PITPNM2: variants seen among roughly 807,000 people sequenced by gnomAD.
PITPNM2 encodes membrane-associated phosphatidylinositol transfer protein 2.
A neutral mutation model predicts 132.2 loss-of-function variants in PITPNM2; 35 were observed. The ratio of observed to expected loss-of-function variants is 0.26; its 90% CI spans 0.20 to 0.35. PITPNM2 has a LOEUF of 0.35. Ranked by LOEUF, PITPNM2 falls within the 10% of genes least tolerant of loss-of-function variation. The probability of loss-of-function intolerance (pLI) is 1.00; values close to 1 mark genes in which losing one functional copy is unlikely to be tolerated. For missense variants in PITPNM2, 1,332 were observed against 1,912.0 expected (o/e 0.70, Z 5.66); for synonymous variants, 738 against 799.2 (o/e 0.92, Z 1.29).
Position 122,996,408 on chromosome 12 carries a change from G to A in PITPNM2, c.1782+50C>T, listed in dbSNP as rs774752626. The A allele has an allele frequency of 1.9e-5, 31 of 1,605,800 alleles. No homozygotes were observed. The South Asian group carries it at 2.2e-4, about 11-fold the overall frequency. On this transcript the variant is annotated intron_variant, in intron 13 of 25. Coordinates refer to ENST00000320201, the MANE Select transcript of PITPNM2 (RefSeq NM_020845.3). ...CAGGCAGGGCAGCCACCCTGGGGGC[G>A]TGCAGGAGGCTTCAGGCCTTGGGGA... is the stretch of plus-strand genomic sequence containing the variant.
At position 123,015,434 on chromosome 12, in the gene PITPNM2, C is replaced by T. The variant is rs113283840; in HGVS notation, c.79-1392G>A. Among the ~76,000 whole-genome samples, 540 of 152,230 alleles carry T rather than the reference C, an allele frequency of 3.5e-3. 1 individual carries two copies. The highest frequency in any genetic ancestry group is 6.2e-3 in the Non-Finnish European group (425 of 68,014). On this transcript the variant is annotated intron_variant, in intron 3 of 25. Coordinates refer to ENST00000320201, the MANE Select transcript of PITPNM2 (RefSeq NM_020845.3). ...TTAATTTTTGAGAAGGGTGCCAAGA[C>T]CATCCAATGTGGAAATAATAGTCTT...
chr12:123,125,004 A>G (rs1322017605), intron 1 of PITPNM2, among the ~76,000 whole-genome samples: 2 of 152,158 alleles, frequency 1.3e-5, no homozygotes, highest in African/African-American at 4.8e-5. Context: ...TGTAGTCCAG[A>G]TGGAGTGCAG....
At chr12:123,090,785 T>C (rs1322415673) in intron 2 of PITPNM2, 1 of 152,298 alleles carries the variant, frequency 6.6e-6, no homozygotes, top group African/African-American at 2.4e-5. Context: ...GGTATGACTA[T>C]GGGGATGGGA....
chr12:123,135,701 T>C (rs532185780), intron 1 of PITPNM2, among the ~76,000 whole-genome samples: 25 of 152,268 alleles, frequency 1.6e-4, no homozygotes, highest in African/African-American at 5.5e-4. Flanking sequence ...ATTTCCCTTT[T>C]TGTTTGGTTT....
chr12:123,050,175 G>T (rs769371702), intron 2 of PITPNM2, among the ~76,000 whole-genome samples: 4 of 152,184 alleles, frequency 2.6e-5, no homozygotes, highest in Non-Finnish European at 4.4e-5. Context: ...GGGGGTATCT[G>T]AAGTCATCTC....
intron 14 of PITPNM2, 70 bp downstream of exon 14, chr12:122,995,319 G>A: frequency 6.6e-7 from 1 of 1,516,416 alleles, no homozygotes; most frequent in Non-Finnish European, 8.8e-7. Flanking sequence ...GCCATCACAG[G>A]GGATGTTCCT....
intron 2 of PITPNM2, among the ~76,000 whole-genome samples, chr12:123,094,300 C>T (rs1462628490): frequency 1.3e-5 from 2 of 152,212 alleles, no homozygotes; most frequent in African/African-American, 4.8e-5. Context: ...GCAGGGGATC[C>T]CAGAACACCA....
chr12:123,052,145 T>G (rs141425828), intron 2 of PITPNM2, among the ~76,000 whole-genome samples: 1 of 149,988 alleles, frequency 6.7e-6, no homozygotes, highest in Non-Finnish European at 1.5e-5. Flanking sequence ...CAGGCTGGTC[T>G]TGAACTCCTG....
At chr12:123,010,977 G>C (rs1443907218) in intron 5 of PITPNM2, among the ~76,000 whole-genome samples, 1 of 152,192 alleles carries the variant, frequency 6.6e-6, no homozygotes, top group Non-Finnish European at 1.5e-5. Flanking sequence ...ACCTGGTGAG[G>C]GTGACAAGAA....
chr12:123,042,799 G>T (rs1288030530), intron 2 of PITPNM2, among the ~76,000 whole-genome samples: 1 of 152,108 alleles, frequency 6.6e-6, no homozygotes, highest in Non-Finnish European at 1.5e-5. Flanking sequence ...GCCAGACAAG[G>T]CTCCCCAGGC....
At chr12:123,131,555 G>T (rs184306966) in intron 1 of PITPNM2, among the ~76,000 whole-genome samples, 1 of 152,174 alleles carries the variant, frequency 6.6e-6, no homozygotes, top group Non-Finnish European at 1.5e-5. Context: ...ATATGGTAGT[G>T]CACAAGCCCC....
rs1365959055 is a variant in PITPNM2 at position 123,106,123 on chromosome 12, C to T, written c.-96+4262G>A. On this transcript the variant is annotated intron_variant, in intron 2 of 25. Transcript: ENST00000320201. This position sits in a 1 kb window ranked among gnomAD's most constrained non-coding sequence, Gnocchi z 4.4. ...CCACAGGCCCCCTGCTTCTTCTCTT[C>T]ACCCCAGATAGCCTGCTCTCAACAC... Among the ~76,000 whole-genome samples, 1 of 152,250 alleles carries T rather than the reference C, an allele frequency of 6.6e-6. No homozygotes were observed. The highest frequency in any genetic ancestry group is 2.4e-5 in the African/African-American group (1 of 41,468).
chr12:122,993,017 G>C lies in PITPNM2; in HGVS notation c.2234-348C>G, dbSNP rs2038263340. Among the ~76,000 whole-genome samples the C allele has an allele frequency of 6.6e-6, 1 of 151,994 alleles. No individual in the cohort carries two copies. The highest frequency in any genetic ancestry group is 2.4e-5 in the African/African-American group (1 of 41,356). ...TTTTATTTTATTTTTTGTAGAGATG[G>C]GGTCTTACTATGTTATCCAGGCTGG... On this transcript the variant is annotated intron_variant, in intron 15 of 25. Coordinates refer to ENST00000320201, the MANE Select transcript of PITPNM2 (RefSeq NM_020845.3). This position sits in a 1 kb window ranked among gnomAD's most constrained non-coding sequence, Gnocchi z 5.2.
intron 2 of PITPNM2, among the ~76,000 whole-genome samples, chr12:123,055,263 G>A (rs2040985599): frequency 6.6e-6 from 1 of 152,198 alleles, no homozygotes; most frequent in Non-Finnish European, 1.5e-5. Context: ...GGAGAAAAGG[G>A]CAGATGCAGC....
rs2038632270 is a variant in PITPNM2 at position 123,000,877 on chromosome 12, G to A, written c.1154-29C>T. 1 of 1,613,538 alleles carries A rather than the reference G, an allele frequency of 6.2e-7. No homozygotes were observed. The highest frequency in any genetic ancestry group is 8.5e-7 in the Non-Finnish European group (1 of 1,179,648). On this transcript the variant is annotated intron_variant, in intron 9 of 25. Coordinates refer to ENST00000320201, the MANE Select transcript of PITPNM2 (RefSeq NM_020845.3). The surrounding 1 kb of genome is among the most constrained non-coding windows in gnomAD (Gnocchi z 5.4). ...CAAAGACACAGAAGCCGTGCTGTGA[G>A]CTGAGGGGCAGCCCAACCTGGCCGA...
At position 123,058,672 on chromosome 12, in the gene PITPNM2, C is replaced by G. The variant is rs903627503; in HGVS notation, c.-95-23987G>C. ...ACCTCGGCCCCAAGCACTGCAGAAGCTGGTAACTGTTGCCTGAGGCATTTG... is the reference window on the plus strand; with the variant it reads ...ACCTCGGCCCCAAGCACTGCAGAAGGTGGTAACTGTTGCCTGAGGCATTTG... On this transcript the variant is annotated intron_variant, in intron 2 of 25. Transcript: ENST00000320201. The surrounding 1 kb of genome is among the most constrained non-coding windows in gnomAD (Gnocchi z 4.0). Among the ~76,000 whole-genome samples, 1 of 152,234 alleles carries G rather than the reference C, an allele frequency of 6.6e-6. No individual in the cohort carries two copies. The highest frequency in any genetic ancestry group is 2.4e-5 in the African/African-American group (1 of 41,458).
chr12:123,040,054 C>T (rs1322061677), intron 2 of PITPNM2, among the ~76,000 whole-genome samples: 3 of 152,036 alleles, frequency 2.0e-5, no homozygotes, highest in African/African-American at 4.8e-5. Flanking sequence ...CCCTTGAGCC[C>T]GGGAGGTGGA....
chr12:123,084,372 T>TC (rs2042051117), intron 2 of PITPNM2: 1 of 152,264 alleles, frequency 6.6e-6, no homozygotes, highest in African/African-American at 2.4e-5. Context: ...TAGTCCTTTT[T>TC]CCCAGACGGG....
In PITPNM2 at chr12:122,987,435, C is replaced by T. The variant is rs1049982257; in HGVS notation, c.3264-5G>A. ...TCGGCAAACGTGTGGTCTCCCCTGGCAGGTGGTGGGGGTGCTCATCAGAAC... is the reference window on the plus strand; with the variant it reads ...TCGGCAAACGTGTGGTCTCCCCTGGTAGGTGGTGGGGGTGCTCATCAGAAC... On this transcript the variant is annotated splice_polypyrimidine_tract_variant and splice_region_variant and intron_variant, in intron 22 of 25. Coordinates refer to ENST00000320201, the MANE Select transcript of PITPNM2 (RefSeq NM_020845.3). The T allele has an allele frequency of 2.5e-6, 4 of 1,613,622 alleles. No homozygotes were observed. In the African/African-American group the frequency reaches 5.3e-5, roughly 22 times the overall value.
Sources: allele counts gnomAD v4.1 joint callset (sites outside exome capture counted in the v4.1 genomes callset), GRCh38; gene constraint gnomAD v4.1.1; non-coding constraint Gnocchi (gnomAD v3.1); transcripts MANE v1.5; gene names NCBI Gene and HGNC (gene_info 2026-07-23, HGNC 2026-07-21).